The following CENPW variants were observed in gnomAD, a reference collection of about 807,000 sequenced individuals.
The protein encoded by CENPW is centromere protein W, also known as cancer-up-regulated gene 2 protein.
A neutral mutation model predicts 11.1 loss-of-function variants in CENPW; 3 were observed. The ratio of observed to expected loss-of-function variants is 0.27; its 90% CI spans 0.12 to 0.70. The LOEUF (loss-of-function observed/expected upper bound fraction) is 0.70. Ranked by LOEUF, CENPW falls within the 30% of genes least tolerant of loss-of-function variation. CENPW has a pLI of 0.77. For missense variants in CENPW, 100 were observed against 105.6 expected, an observed-to-expected ratio of 0.95 and a Z score of 0.23; for synonymous variants, 38 against 42.0, an observed-to-expected ratio of 0.91 and a Z score of 0.37.
chr6:126,446,757 T>G, the CENPW span, among the ~76,000 whole-genome samples: 1 of 151,410 alleles, frequency 6.6e-6, no homozygotes, highest in South Asian at 2.1e-4. Context: ...TCAACATAGA[T>G]AAAGTTACTT....
At chr6:126,379,438 T>C in the CENPW span, among the ~76,000 whole-genome samples, 1 of 152,168 alleles carries the variant, frequency 6.6e-6, no homozygotes, top group Admixed American at 6.6e-5. Flanking sequence ...AAGCCTATGT[T>C]ATACATGCTT....
chr6:126,437,219 G>C, the CENPW span, among the ~76,000 whole-genome samples: 7 of 151,700 alleles, frequency 4.6e-5, no homozygotes, highest in Non-Finnish European at 1.0e-4. Flanking sequence ...AAATTGCCTG[G>C]CATGAAAAAA....
the CENPW span, among the ~76,000 whole-genome samples, chr6:126,403,075 G>A: frequency 1.3e-5 from 2 of 151,568 alleles, no homozygotes; most frequent in Non-Finnish European, 1.5e-5. Context: ...AATTGTTTTG[G>A]GACACCACAA....
At chr6:126,382,144 G>A in the CENPW span, among the ~76,000 whole-genome samples, 3 of 152,022 alleles carry the variant, frequency 2.0e-5, no homozygotes, top group Admixed American at 6.6e-5. Context: ...CCCAGCTGCA[G>A]GAGAATCACT....
In CENPW at chr6:126,346,216, C is replaced by T; in HGVS notation, c.138C>T (p.Asn46=). Residue 46 remains asparagine (N), a synonymous_variant, in exon 2 of 3, where the codon AAC becomes AAT. Transcript: ENST00000368328. ...EKSGDLLVHL[N]CLLFVHRLAE... Reference sequence around the variant, plus strand: ...TTTCTGTTTTAAAGGTCCATCTGAACTGTTTACTGTTTGTTCATCGATTAG... The same window carrying T: ...TTTCTGTTTTAAAGGTCCATCTGAATTGTTTACTGTTTGTTCATCGATTAG... 2 of 1,587,350 alleles carry T rather than the reference C, an allele frequency of 1.3e-6. No homozygotes were observed. Among genetic ancestry groups the T allele is most frequent in the Non-Finnish European group, 1.7e-6 (2 of 1,161,662 alleles).
At chr6:126,468,286 G>A in the CENPW span, among the ~76,000 whole-genome samples, 2 of 151,888 alleles carry the variant, frequency 1.3e-5, no homozygotes, top group Admixed American at 1.3e-4. Context: ...TGGGTGTGGT[G>A]GTGCATGCCT....
chr6:126,465,911 C>A, the CENPW span, among the ~76,000 whole-genome samples: 8 of 151,912 alleles, frequency 5.3e-5, no homozygotes, highest in Admixed American at 4.6e-4. Flanking sequence ...TATTTTACAC[C>A]ATACATAAAA....
At chr6:126,473,475 T>C in the CENPW span, among the ~76,000 whole-genome samples, 1 of 152,162 alleles carries the variant, frequency 6.6e-6, no homozygotes, top group Non-Finnish European at 1.5e-5. Flanking sequence ...CTCATTCCGG[T>C]AATCTCAGCG....
At chr6:126,360,232 A>G in the CENPW span, among the ~76,000 whole-genome samples, 1 of 152,174 alleles carries the variant, frequency 6.6e-6, no homozygotes, top group Non-Finnish European at 1.5e-5. Flanking sequence ...CTTTACTTCA[A>G]GGATGCTGAA....
intron 1 of CENPW, among the ~76,000 whole-genome samples, chr6:126,340,828 C>A (rs1034412297): frequency 3.9e-5 from 6 of 152,128 alleles, no homozygotes; most frequent in Non-Finnish European, 8.8e-5. Flanking sequence ...GCTCACATGC[C>A]TTTTAAGGGC....
the CENPW span, among the ~76,000 whole-genome samples, chr6:126,410,671 G>T: frequency 1.3e-5 from 2 of 151,370 alleles, no homozygotes; most frequent in Non-Finnish European, 2.9e-5. Context: ...TGTAAGTCTT[G>T]TTGGCTTACC....
chr6:126,371,046 C>T, the CENPW span, among the ~76,000 whole-genome samples: 4 of 152,104 alleles, frequency 2.6e-5, no homozygotes, highest in Admixed American at 6.5e-5. Context: ...GGATTATAGG[C>T]GTGAGCCACC....
chr6:126,477,050 A>T, the CENPW span, among the ~76,000 whole-genome samples: 1 of 152,060 alleles, frequency 6.6e-6, no homozygotes, highest in Non-Finnish European at 1.5e-5. Flanking sequence ...AGCTGAAGAA[A>T]TTAATATTAC....
chr6:126,379,802 C>G, the CENPW span, among the ~76,000 whole-genome samples: 11 of 152,234 alleles, frequency 7.2e-5, no homozygotes, highest in South Asian at 2.1e-3. Flanking sequence ...AAAGAAAAAT[C>G]AAACGAATTA....
At chr6:126,354,396 A>G in the CENPW span, among the ~76,000 whole-genome samples, 3 of 152,146 alleles carry the variant, frequency 2.0e-5, no homozygotes, top group African/African-American at 7.2e-5. Context: ...TGAGAATGCC[A>G]AAATCTCTGC....
At chr6:126,384,788 ATCT>A in the CENPW span, among the ~76,000 whole-genome samples, 11 of 152,306 alleles carry the variant, frequency 7.2e-5, no homozygotes, top group South Asian at 2.1e-4. Context: ...TAAATGAAAG[ATCT>A]TCTGCACAGC....
chr6:126,383,659 C>A, the CENPW span, among the ~76,000 whole-genome samples: 10 of 152,012 alleles, frequency 6.6e-5, no homozygotes, highest in African/African-American at 2.4e-4. Flanking sequence ...CGTAAACCAA[C>A]AAAATTCAGA....
the CENPW span, among the ~76,000 whole-genome samples, chr6:126,465,903 T>G: frequency 6.6e-6 from 1 of 152,112 alleles, no homozygotes; most frequent in African/African-American, 2.4e-5. Context: ...AAGTCTCTTA[T>G]TTTACACCAT....
the CENPW span, among the ~76,000 whole-genome samples, chr6:126,449,677 T>C: frequency 6.6e-6 from 1 of 151,062 alleles, no homozygotes; most frequent in Admixed American, 6.6e-5. Context: ...CTAATGTTGA[T>C]TTTTATCGCC....
Sources: gnomAD v4.1 joint callset for allele counts (sites outside exome capture counted in the v4.1 genomes callset) on GRCh38, gnomAD v4.1.1 for gene constraint, MANE v1.5 for transcripts, NCBI Gene and HGNC (gene_info 2026-07-23, HGNC 2026-07-21) for gene names.